WDR3: variants seen among roughly 807,000 people sequenced by gnomAD.
The protein encoded by WDR3 is WD repeat-containing protein 3.
WDR3 carries 81 observed loss-of-function variants against 123.7 expected under a neutral mutation model. That is an observed-to-expected ratio of 0.65 (90% CI 0.55 to 0.79). WDR3 has a LOEUF of 0.79. Among genes scored for constraint, WDR3 ranks in the 30% least tolerant of loss-of-function variants. The probability of loss-of-function intolerance (pLI) is 0.00; values close to 1 mark genes in which losing one functional copy is unlikely to be tolerated. For synonymous variants in WDR3, 390 were observed against 388.8 expected (o/e 1.00, Z -0.04); for missense variants, 1,027 against 1,123.2 (o/e 0.91, Z 1.22).
intron 11 of WDR3, 145 bp from the exon 12 acceptor site, chr1:117,945,941 A>G (rs983265775): frequency 1.8e-5 from 8 of 445,456 alleles, no homozygotes; most frequent in East Asian, 1.1e-4. Context: ...TCCCATGACT[A>G]TAATTGTGTG....
intron 5 of WDR3, among the ~76,000 whole-genome samples, 178 bp downstream of exon 5, chr1:117,938,736 C>T (rs988247103): frequency 6.6e-6 from 1 of 152,192 alleles, no homozygotes; most frequent in Non-Finnish European, 1.5e-5. Flanking sequence ...GGAGCAGATA[C>T]TGCTGCTCTG....
Position 117,963,837 on chromosome 1 carries a change from G to A in WDR3, c.*4390G>A, listed in dbSNP as rs199591554. 2 of 1,613,782 alleles carry A rather than the reference G, an allele frequency of 1.2e-6. No individual in the cohort carries two copies. Among genetic ancestry groups the A allele is most frequent in the Non-Finnish European group, 1.7e-6 (2 of 1,179,728 alleles). ...ACTTTACGAGACATGAAGACTCCAAGTGTGGAGGAATAAATTGTAGAAGTT... is the reference window on the plus strand; with the variant it reads ...ACTTTACGAGACATGAAGACTCCAAATGTGGAGGAATAAATTGTAGAAGTT... On this transcript the variant is annotated 3_prime_UTR_variant, in exon 27 of 27. Transcript: ENST00000349139.
At chr1:117,955,426 G>A (rs1652058720) in intron 24 of WDR3, 68 bp downstream of exon 24, 14 of 1,420,608 alleles carry the variant, frequency 9.9e-6, no homozygotes, top group South Asian at 2.4e-5. Context: ...TTATCTGAAC[G>A]GGAAATAAAT....
intron 22 of WDR3, 124 bp from the exon 23 acceptor site, chr1:117,954,456 T>A: frequency 1.1e-6 from 1 of 880,420 alleles, no homozygotes; most frequent in Non-Finnish European, 1.7e-6. Flanking sequence ...TTACACTCTG[T>A]CAGTTTTTTA....
Position 117,952,299 on chromosome 1 carries a change from T to G in WDR3, c.1907T>G (p.Val636Gly). 3.1e-6 allele frequency: 5 copies of G among 1,608,106 alleles called. No individual in the cohort carries two copies. Among genetic ancestry groups the G allele is most frequent in the Non-Finnish European group, 4.2e-6 (5 of 1,176,840 alleles). ...HKSLFAHDDS[V>G]MYLQFVPKSH... ...TTAATATTTCTGTCACTTTTCAGTG[T>G]GATGTACCTACAGTTTGTACCCAAG... The change falls in exon 18 of 27, where the codon GTG becomes GGG. Residue 636 changes from valine (V) to glycine (G), a missense_variant and splice_region_variant. By Grantham distance (109) the Val-to-Gly change is moderately radical (BLOSUM62 -3). Coordinates refer to ENST00000349139, the MANE Select transcript of WDR3 (RefSeq NM_006784.3).
chr1:117,942,764 G>C (rs1457532152), intron 10 of WDR3, among the ~76,000 whole-genome samples: 1 of 151,798 alleles, frequency 6.6e-6, no homozygotes, highest in East Asian at 1.9e-4. Flanking sequence ...GTCATTTACT[G>C]TCTTTTCCTG....
chr1:117,942,913 T>A (rs1007917371), intron 10 of WDR3, among the ~76,000 whole-genome samples: 3 of 148,558 alleles, frequency 2.0e-5, no homozygotes, highest in Admixed American at 6.7e-5. Context: ...TTTTTTTTTT[T>A]ACTTAAAAGC....
chr1:117,942,323 A>G, intron 9 of WDR3, 114 bp from the exon 10 acceptor site: 1 of 815,376 alleles, frequency 1.2e-6, no homozygotes. Context: ...TGGTTAAGTG[A>G]CTTTTCCAGA....
chr1:117,947,881 ATTATGATTTTTTT>A (rs745798442), intron 12 of WDR3, among the ~76,000 whole-genome samples: 1 of 152,108 alleles, frequency 6.6e-6, no homozygotes, highest in African/African-American at 2.4e-5. Flanking sequence ...TTTCTATGCC[ATTATGATTTTTTT>A]TTAAATTCAC....
At position 117,952,065 on chromosome 1, in the gene WDR3, A is replaced by C; in HGVS notation, c.1893A>C (p.Ala631=). The C allele has an allele frequency of 3.7e-6, 6 of 1,613,280 alleles. No homozygotes were observed. In the South Asian group the frequency reaches 6.6e-5, roughly 18 times the overall value. ...DFGDCHKSLF[A]HDDSVMYLQF... is the part of the protein sequence containing the mutation. Reference sequence around the variant, plus strand: ...GGGACTGCCACAAGTCTCTCTTTGCACATGATGACAGGTATGTATAGTCTT... The same window carrying C: ...GGGACTGCCACAAGTCTCTCTTTGCCCATGATGACAGGTATGTATAGTCTT... The change falls in exon 17 of 27, where the codon GCA becomes GCC. Residue 631 remains alanine (A), a synonymous_variant. Transcript: ENST00000349139.
chr1:117,942,063 A>T (rs997317397), intron 9 of WDR3, among the ~76,000 whole-genome samples: 2 of 152,224 alleles, frequency 1.3e-5, no homozygotes, highest in Non-Finnish European at 2.9e-5. Context: ...TGGTTTATTT[A>T]ACATGGTTGG....
At chr1:117,941,885 C>T (rs369891311) in intron 9 of WDR3, 38 bp downstream of exon 9, 3 of 1,551,432 alleles carry the variant, frequency 1.9e-6, no homozygotes, top group Non-Finnish European at 2.6e-6. Flanking sequence ...AATGAAGTAT[C>T]CTGGGTAGGC....
At chr1:117,931,869 G>A (rs1464039293) in intron 1 of WDR3, among the ~76,000 whole-genome samples, 2 of 152,202 alleles carry the variant, frequency 1.3e-5, no homozygotes, top group Non-Finnish European at 2.9e-5. Flanking sequence ...AGGCCAGTAA[G>A]TGATTATTAC....
intron 13 of WDR3, among the ~76,000 whole-genome samples, chr1:117,948,941 G>A (rs1333233273): frequency 6.6e-6 from 1 of 151,990 alleles, no homozygotes; most frequent in Non-Finnish European, 1.5e-5. Flanking sequence ...GCAAAAGTAT[G>A]CTTATTCTAA....
At position 117,961,868 on chromosome 1, in the gene WDR3, T is replaced by C. The variant is rs1653147140; in HGVS notation, c.*2421T>C. On this transcript the variant is annotated 3_prime_UTR_variant, in exon 27 of 27. Transcript: ENST00000349139. ...TGCTTTCCAAGGAGTCAGTGTTGTT[T>C]AGGCAGCTATTCCTGCCACCAGGGA... is the stretch of plus-strand genomic sequence containing the variant. The C allele has an allele frequency of 6.6e-6, 1 of 152,498 alleles. No individual in the cohort carries two copies. The allele number at this position is 152,498 out of a possible 1,614,324, so 9.4% of individuals were successfully genotyped here. A position where few individuals can be genotyped will look rare whatever the true frequency, so the allele number is the denominator to read the frequency against.
At chr1:117,945,906 A>C (rs1651362528) in intron 11 of WDR3, among the ~76,000 whole-genome samples, 180 bp from the exon 12 acceptor site, 1 of 152,130 alleles carries the variant, frequency 6.6e-6, no homozygotes, top group African/African-American at 2.4e-5. Flanking sequence ...AAAGTAAACA[A>C]AGTTTGGTGC....
At chr1:117,953,668 AT>A in intron 21 of WDR3, 127 bp downstream of exon 21, 1 of 833,170 alleles carries the variant, frequency 1.2e-6, no homozygotes, top group Non-Finnish European at 1.9e-6. Flanking sequence ...AAAGATGGGG[AT>A]TATAACCTGT....
rs1653005637 is a variant in WDR3 at position 117,960,995 on chromosome 1, A to G, written c.*1548A>G. ...AATTTTTCCAATATATTTATTGAAAATATCTGGGCTGCGTGCAGTGGCTCA... is the reference window on the plus strand; with the variant it reads ...AATTTTTCCAATATATTTATTGAAAGTATCTGGGCTGCGTGCAGTGGCTCA... On this transcript the variant is annotated 3_prime_UTR_variant, in exon 27 of 27. Transcript: ENST00000349139. 1 of 152,150 alleles carries G rather than the reference A, an allele frequency of 6.6e-6. No homozygotes were observed. The highest frequency in any genetic ancestry group is 2.1e-4 in the South Asian group (1 of 4,832). The allele number at this position is 152,150 out of a possible 1,614,324, so 9.4% of individuals were successfully genotyped here. A position where few individuals can be genotyped will look rare whatever the true frequency, so the allele number is the denominator to read the frequency against.
chr1:117,962,977 C>G lies in WDR3; in HGVS notation c.*3530C>G, dbSNP rs1225740883. 1 of 152,234 alleles carries G rather than the reference C, an allele frequency of 6.6e-6. No homozygotes were observed. The highest frequency in any genetic ancestry group is 1.5e-5 in the Non-Finnish European group (1 of 68,042). 9.4% of individuals were successfully genotyped at this position (152,234 alleles called of 1,614,324 possible). Reference sequence around the variant, plus strand: ...ACAGTTACTGTCTGCAATCCACCCCCATTCCTCACAATTTAAGCTCCTAAG... The same window carrying G: ...ACAGTTACTGTCTGCAATCCACCCCGATTCCTCACAATTTAAGCTCCTAAG... On this transcript the variant is annotated 3_prime_UTR_variant, in exon 27 of 27. Transcript: ENST00000349139.
Sources: allele counts gnomAD v4.1 joint callset (sites outside exome capture counted in the v4.1 genomes callset), GRCh38; gene constraint gnomAD v4.1.1; transcripts MANE v1.5; gene names NCBI Gene and HGNC (gene_info 2026-07-23, HGNC 2026-07-21).